C11orf54: variants seen among roughly 807,000 people sequenced by gnomAD.
C11orf54 encodes beta-keto L-gulonate decarboxylase.
Under a neutral mutation model 35.5 loss-of-function variants are expected in C11orf54, and 29 were observed. That is an observed-to-expected ratio of 0.82 (90% CI 0.61 to 1.11). C11orf54 has a LOEUF of 1.11. Among genes scored for constraint, C11orf54 ranks in the 50% most tolerant of loss-of-function variants. C11orf54 has a pLI of 0.00. For synonymous variants in C11orf54, 108 were observed against 121.1 expected (o/e 0.89, Z 0.71); for missense variants, 373 against 369.2 (o/e 1.01, Z -0.08).
chr11:93,762,919 A>G lies in C11orf54; in HGVS notation c.*1231A>G, dbSNP rs1943538962. ...CAACTCTCTAATGGTGCTAATGGCA[A>G]TCTAGCTAATGTGCAAATTTAGGAA... On this transcript the variant is annotated 3_prime_UTR_variant, in exon 9 of 9. Transcript: ENST00000354421. 1 of 152,364 alleles carries G rather than the reference A, an allele frequency of 6.6e-6. No individual in the cohort carries two copies. The highest frequency in any genetic ancestry group is 2.1e-4 in the South Asian group (1 of 4,832). The allele number at this position is 152,364 out of a possible 1,614,324, so 9.4% of individuals were successfully genotyped here. A position where few individuals can be genotyped will look rare whatever the true frequency, so the allele number is the denominator to read the frequency against.
At chr11:93,752,245 A>C (rs1942874810) in intron 3 of C11orf54, among the ~76,000 whole-genome samples, 1 of 152,198 alleles carries the variant, frequency 6.6e-6, no homozygotes. Context: ...ACTAGAAGCC[A>C]GATATGCATC....
At chr11:93,759,928 A>G in intron 8 of C11orf54, 70 bp downstream of exon 8, 1 of 941,616 alleles carries the variant, frequency 1.1e-6, no homozygotes, top group Admixed American at 2.2e-5. Flanking sequence ...ATCTTTAAGA[A>G]CTAGGCACTT....
At position 93,764,405 on chromosome 11, in the gene C11orf54, G is replaced by T. The variant is rs1439174730; in HGVS notation, c.*2717G>T. The T allele has an allele frequency of 2.0e-5, 3 of 152,142 alleles. No homozygotes were observed. The highest frequency in any genetic ancestry group is 3.9e-4 in the East Asian group (2 of 5,192). 9.4% of individuals were successfully genotyped at this position (152,142 alleles called of 1,614,324 possible). On this transcript the variant is annotated 3_prime_UTR_variant, in exon 9 of 9. Transcript: ENST00000354421. ...GCAGGTACACATGACCTTCCAAGGG[G>T]TGTGGGAATATTAGAACATCTATTT...
chr11:93,759,991 G>C (rs1256619267), intron 8 of C11orf54, 133 bp downstream of exon 8: 28 of 562,048 alleles, frequency 5.0e-5, no homozygotes, highest in Non-Finnish European at 8.4e-5. Flanking sequence ...TTGTTGCCCA[G>C]GCTAGAGTGC....
intron 3 of C11orf54, 54 bp from the exon 4 acceptor site, chr11:93,753,628 A>G (rs1319388395): frequency 6.9e-7 from 1 of 1,442,608 alleles, no homozygotes; most frequent in East Asian, 2.3e-5. Flanking sequence ...ATTAAATTAG[A>G]TGTTTGCCTG....
intron 7 of C11orf54, among the ~76,000 whole-genome samples, chr11:93,757,873 A>G (rs1943238103): frequency 6.6e-6 from 1 of 152,230 alleles, no homozygotes; most frequent in Admixed American, 6.5e-5. Context: ...CTACATTTGA[A>G]GACACTTTAA....
intron 6 of C11orf54, among the ~76,000 whole-genome samples, chr11:93,756,262 C>CT (rs1396686158): frequency 6.9e-5 from 10 of 144,206 alleles, no homozygotes; most frequent in Non-Finnish European, 1.3e-4. Flanking sequence ...TGGAGGATCA[C>CT]TTAAGGCTGG....
rs772084598 is a variant in C11orf54 at position 93,761,625 on chromosome 11, A to G, written c.885A>G (p.Leu295=). The change falls in exon 9 of 9, where the codon TTA becomes TTG. Residue 295 remains leucine, a synonymous_variant. Coordinates refer to ENST00000354421, the MANE Select transcript of C11orf54 (RefSeq NM_001286069.2). ...PDIVEYLGYF[L]PAEFLYRIDQ... ...TAGTGGAATATCTTGGATACTTCTT[A>G]CCTGCAGAGTTTCTCTATCGCATTG... The G allele has an allele frequency of 5.0e-6, 8 of 1,613,392 alleles. No homozygotes were observed. Among genetic ancestry groups the G allele is most frequent in the Non-Finnish European group, 5.9e-6 (7 of 1,179,676 alleles).
At position 93,755,318 on chromosome 11, in the gene C11orf54, G is replaced by A. The variant is rs777046889; in HGVS notation, c.439G>A (p.Glu147Lys). The stretch of plus-strand genomic sequence containing the variant: ...AGGGTGCCTACTGGAGAAATACAGT[G>A]AGAAATGTCATGATTTTCAGTGTGC... ...DGGCLLEKYS[E>K]KCHDFQCALL... The change falls in exon 6 of 9, where the codon GAG becomes AAG. Residue 147 changes from glutamate (E) to lysine (K), a missense_variant. By Grantham distance (56) the Glu-to-Lys change is moderately conservative. Coordinates refer to ENST00000354421, the MANE Select transcript of C11orf54 (RefSeq NM_001286069.2). The A allele has an allele frequency of 1.2e-6, 2 of 1,614,166 alleles. No individual in the cohort carries two copies. The highest frequency in any genetic ancestry group is 1.7e-6 in the Non-Finnish European group (2 of 1,180,024).
intron 1 of C11orf54, chr11:93,746,639 A>G (rs1942486059): frequency 6.6e-6 from 1 of 152,240 alleles, no homozygotes; most frequent in African/African-American, 2.4e-5. Context: ...TTTACCAAGA[A>G]AGTATGTTTA....
At chr11:93,743,096 G>C (rs1226346553) in intron 1 of C11orf54, among the ~76,000 whole-genome samples, 1 of 151,412 alleles carries the variant, frequency 6.6e-6, no homozygotes, top group Admixed American at 6.6e-5. Context: ...CACCTCCCGG[G>C]CTCAAGAGAT....
At position 93,753,984 on chromosome 11, in the gene C11orf54, T is replaced by G; in HGVS notation, c.277T>G (p.Phe93Val). 1 of 1,614,130 alleles carries G rather than the reference T, an allele frequency of 6.2e-7. No individual in the cohort carries two copies. Among genetic ancestry groups the G allele is most frequent in the Non-Finnish European group, 8.5e-7 (1 of 1,179,992 alleles). The change falls in exon 5 of 9, where the codon TTT (phenylalanine) becomes GTT (valine). Residue 93 changes from phenylalanine (F) to valine (V), a missense_variant. Phe to Val is a conservative substitution (Grantham distance 50). Coordinates refer to ENST00000354421, the MANE Select transcript of C11orf54 (RefSeq NM_001286069.2). ...IAKEIKLPGA[F>V]ILGAGAGPFQ... ...AAAAGAAATCAAGCTGCCTGGAGCC[T>G]TTATTCTTGGAGCAGGAGCAGGTCC... is the stretch of plus-strand genomic sequence containing the variant.
chr11:93,746,476 TTAAGG>T (rs1197099141), intron 1 of C11orf54: 1 of 152,232 alleles, frequency 6.6e-6, no homozygotes. Context: ...CACTGAACAC[TTAAGG>T]TAAGATACTA....
intron 2 of C11orf54, among the ~76,000 whole-genome samples, chr11:93,747,989 C>G (rs665507): frequency 0.55 from 84,283 of 152,016 alleles, 24,765 homozygotes; most frequent in Admixed American, 0.69. Context: ...AAAAATGAAG[C>G]CAGGAATAGT....
intron 7 of C11orf54, among the ~76,000 whole-genome samples, chr11:93,758,775 G>A (rs1943302258): frequency 6.6e-6 from 1 of 152,236 alleles, no homozygotes; most frequent in Admixed American, 6.5e-5. Flanking sequence ...GCACCCCTTG[G>A]CACCTACAGC....
intron 2 of C11orf54, 89 bp downstream of exon 2, chr11:93,747,537 A>C (rs1942542494): frequency 2.0e-5 from 13 of 662,928 alleles, no homozygotes; most frequent in Non-Finnish European, 3.1e-5. Flanking sequence ...ATATCTTACT[A>C]CTTATGTATA....
At chr11:93,752,965 C>T (rs140167382) in intron 3 of C11orf54, among the ~76,000 whole-genome samples, 3,436 of 151,990 alleles carry the variant, frequency 0.023, 125 homozygotes, top group African/African-American at 0.076. Context: ...CCAGGATGGT[C>T]GCGATCTCCT....
chr11:93,748,306 T>C (rs888874580), intron 2 of C11orf54, among the ~76,000 whole-genome samples: 5 of 152,116 alleles, frequency 3.3e-5, no homozygotes, highest in African/African-American at 1.2e-4. Flanking sequence ...GTTAGGAATT[T>C]TTTCTTTTTC....
In C11orf54 at chr11:93,761,512, T is replaced by C; in HGVS notation, c.775-3T>C. ...CTAACATATTGTTTGTCTGTTATCT[T>C]AGGGGTTTGATTTGCGACTGGAGCA... is the stretch of plus-strand genomic sequence containing the variant. On this transcript the variant is annotated splice_region_variant and splice_polypyrimidine_tract_variant and intron_variant, in intron 8 of 8. Coordinates refer to ENST00000354421, the MANE Select transcript of C11orf54 (RefSeq NM_001286069.2). 2 of 1,602,692 alleles carry C rather than the reference T, an allele frequency of 1.2e-6. No individual in the cohort carries two copies. The highest frequency in any genetic ancestry group is 1.7e-6 in the Non-Finnish European group (2 of 1,175,386).
Sources: allele counts gnomAD v4.1 joint callset (sites outside exome capture counted in the v4.1 genomes callset), GRCh38; gene constraint gnomAD v4.1.1; transcripts MANE v1.5; gene names NCBI Gene and HGNC (gene_info 2026-07-23, HGNC 2026-07-21).